NDUFA10: variants seen among roughly 807,000 people sequenced by gnomAD.
NDUFA10 encodes NADH dehydrogenase [ubiquinone] 1 alpha subcomplex subunit 10, mitochondrial.
NDUFA10 carries 40 observed loss-of-function variants against 47.8 expected under a neutral mutation model. The ratio of observed to expected loss-of-function variants is 0.84; its 90% confidence interval spans 0.65 to 1.09. The LOEUF is 1.09. Ranked by LOEUF, NDUFA10 falls within the 50% of genes least tolerant of loss-of-function variation. The probability of loss-of-function intolerance (pLI) is 0.00; values close to 1 mark genes in which losing one functional copy is unlikely to be tolerated. For synonymous variants in NDUFA10, 183 were observed against 172.2 expected (o/e 1.06, Z -0.49); for missense variants, 413 against 451.1 (o/e 0.92, Z 0.76).
intron 4 of NDUFA10, among the ~76,000 whole-genome samples, chr2:239,915,444 A>G (rs1255798357): frequency 1.4e-5 from 2 of 147,408 alleles, no homozygotes; most frequent in Non-Finnish European, 3.0e-5. Context: ...AGACACACAC[A>G]CAGAGAGACA....
intron 4 of NDUFA10, among the ~76,000 whole-genome samples, chr2:239,923,399 A>C (rs1217840342): frequency 6.6e-6 from 1 of 151,936 alleles, no homozygotes; most frequent in Non-Finnish European, 1.5e-5. Context: ...CTGGTTCATA[A>C]AAAAAACTGA....
intron 5 of NDUFA10, chr2:240,012,756 G>C (rs1006380230): frequency 2.9e-4 from 44 of 152,354 alleles, no homozygotes; most frequent in African/African-American, 1.0e-3. Context: ...CACAGGGAAA[G>C]GATGATACAG....
chr2:239,987,799 C>T lies in NDUFA10; in HGVS notation c.999+2275G>A, dbSNP rs190803025. 3.9e-5 allele frequency among the ~76,000 whole-genome samples: 6 copies of T among 152,178 alleles called. No individual in the cohort carries two copies. Among genetic ancestry groups the T allele is most frequent in the Admixed American group, 1.3e-4 (2 of 15,300 alleles). On this transcript the variant is annotated intron_variant, in intron 9 of 9. Transcript: ENST00000252711. This position sits in a 1 kb window ranked among gnomAD's most constrained non-coding sequence, Gnocchi z 4.8. Reference sequence around the variant, plus strand: ...GTCGCAGATGCCTGTGGGACTAACACGTATGGAGAATTAAGACGACCGAGA... The same window carrying T: ...GTCGCAGATGCCTGTGGGACTAACATGTATGGAGAATTAAGACGACCGAGA...
chr2:239,930,428 C>T (rs1222077067), intron 4 of NDUFA10, among the ~76,000 whole-genome samples: 1 of 151,970 alleles, frequency 6.6e-6, no homozygotes, highest in East Asian at 1.9e-4. Context: ...ACCCCGTCCC[C>T]ATGGATCCCG....
chr2:239,987,853 G>C lies in NDUFA10; in HGVS notation c.999+2221C>G, dbSNP rs1696067465. 6.6e-6 allele frequency among the ~76,000 whole-genome samples: 1 copy of C among 152,146 alleles called. No homozygotes were observed. The highest frequency in any genetic ancestry group is 2.4e-5 in the African/African-American group (1 of 41,436). Reference sequence around the variant, plus strand: ...TGCAAAACATGCGAGTGGGTACTCTGCTCTGGAACTGGAAAGCTAATTGAT... The same window carrying C: ...TGCAAAACATGCGAGTGGGTACTCTCCTCTGGAACTGGAAAGCTAATTGAT... On this transcript the variant is annotated intron_variant, in intron 9 of 9. Coordinates refer to ENST00000252711, the MANE Select transcript of NDUFA10 (RefSeq NM_004544.4). The surrounding 1 kb of genome is among the most constrained non-coding windows in gnomAD (Gnocchi z 4.8).
At chr2:239,992,725 G>A (rs1017514910) in intron 8 of NDUFA10, among the ~76,000 whole-genome samples, 9 of 152,120 alleles carry the variant, frequency 5.9e-5, no homozygotes, top group African/African-American at 9.7e-5. Context: ...CCAAGCAGGC[G>A]CCAGTCAGTT....
At chr2:239,964,646 G>A (rs563267600) in intron 9 of NDUFA10, among the ~76,000 whole-genome samples, 26 of 152,252 alleles carry the variant, frequency 1.7e-4, no homozygotes, top group East Asian at 5.8e-4. Flanking sequence ...ACACAAACCC[G>A]GAGGGAGGGG....
At chr2:239,948,065 CTCTG>C (rs1462707346) in intron 4 of NDUFA10, among the ~76,000 whole-genome samples, 1 of 152,234 alleles carries the variant, frequency 6.6e-6, no homozygotes, top group African/African-American at 2.4e-5. Context: ...GGGGGACAAG[CTCTG>C]TCGTCACTAC....
intron 9 of NDUFA10, among the ~76,000 whole-genome samples, chr2:239,962,072 T>C (rs1228504230): frequency 2.0e-5 from 3 of 151,742 alleles, no homozygotes; most frequent in African/African-American, 7.3e-5. Flanking sequence ...GAAAGAGGAG[T>C]GTTGCTCCGC....
At chr2:239,900,580 A>AAAG (rs1381357643) in intron 4 of NDUFA10, among the ~76,000 whole-genome samples, 1 of 3,930 alleles carries the variant, frequency 2.5e-4, no homozygotes, top group Non-Finnish European at 5.1e-4. Context: ...CTTCCATAGG[A>AAAG]AAAAAAAAAC....
In NDUFA10 at chr2:239,959,997, T is replaced by A. The variant is rs918670909; in HGVS notation, c.*1121A>T. ...ACTGGAACTACTGCCCACAGGCGGC[T>A]GTGGAGTGCCTGAACTATGGCCAGT... On this transcript the variant is annotated 3_prime_UTR_variant, in exon 10 of 10. Transcript: ENST00000252711. The A allele has an allele frequency of 2.0e-6, 2 of 985,232 alleles. No individual in the cohort carries two copies. The highest frequency in any genetic ancestry group is 2.4e-6 in the Non-Finnish European group (2 of 829,702). The allele number at this position is 985,232 out of a possible 1,614,324, so 61.0% of individuals were successfully genotyped here.
At chr2:240,005,343 ATTTAAATGAAATAACTT>A in intron 7 of NDUFA10, 48 bp from the exon 8 acceptor site, 1 of 1,497,366 alleles carries the variant, frequency 6.7e-7, no homozygotes, top group East Asian at 2.3e-5. Flanking sequence ...CATTTTAGAA[ATTTAAATGAAATAACTT>A]TTTTTTGAGA....
intron 6 of NDUFA10, among the ~76,000 whole-genome samples, chr2:240,008,672 G>A (rs1451688822): frequency 6.6e-6 from 1 of 152,246 alleles, no homozygotes; most frequent in East Asian, 1.9e-4. Flanking sequence ...GGTCATGAGA[G>A]ATCAGGACGA....
chr2:239,947,534 C>T (rs953889786), intron 4 of NDUFA10, among the ~76,000 whole-genome samples: 1 of 152,192 alleles, frequency 6.6e-6, no homozygotes, highest in Non-Finnish European at 1.5e-5. Context: ...GTAAGCCCCG[C>T]CCTCTCTGCG....
intron 9 of NDUFA10, among the ~76,000 whole-genome samples, chr2:239,969,000 A>T (rs950694371): frequency 6.6e-6 from 1 of 152,246 alleles, no homozygotes; most frequent in African/African-American, 2.4e-5. Context: ...ACTGACTTGC[A>T]AGTACCTTAA....
chr2:239,923,245 T>C (rs1005865930), intron 4 of NDUFA10, among the ~76,000 whole-genome samples: 3 of 152,210 alleles, frequency 2.0e-5, no homozygotes, highest in African/African-American at 7.2e-5. Context: ...CTCTCAGCAA[T>C]ACAACTGCTA....
intron 9 of NDUFA10, chr2:239,973,455 C>A (rs1313696641): frequency 6.4e-6 from 3 of 466,684 alleles, no homozygotes; most frequent in Non-Finnish European, 8.8e-6. Context: ...AGGGAGAACT[C>A]AATACTGAAA....
chr2:239,913,963 C>T (rs11891857), intron 4 of NDUFA10, among the ~76,000 whole-genome samples: 28,634 of 152,182 alleles, frequency 0.19, 3,167 homozygotes, highest in African/African-American at 0.3. Flanking sequence ...TTCAGCAGCT[C>T]CCCTTTCCAG....
intron 3 of NDUFA10, among the ~76,000 whole-genome samples, chr2:240,020,331 TAA>T (rs1367730948): frequency 1.3e-5 from 2 of 152,144 alleles, no homozygotes; most frequent in Non-Finnish European, 2.9e-5. Flanking sequence ...ACGAAGGCCC[TAA>T]GAGTCCACCC....
Sources: allele counts gnomAD v4.1 joint callset (sites outside exome capture counted in the v4.1 genomes callset), GRCh38; gene constraint gnomAD v4.1.1; non-coding constraint Gnocchi (gnomAD v3.1); transcripts MANE v1.5; gene names NCBI Gene and HGNC (gene_info 2026-07-23, HGNC 2026-07-21).